The following ACOT11 variants were observed in gnomAD, a reference collection of about 807,000 sequenced individuals.
The protein encoded by ACOT11 is acyl-CoA thioesterase 11.
A neutral mutation model predicts 77.5 loss-of-function variants in ACOT11; 69 were observed. The ratio of observed to expected loss-of-function variants is 0.89; its 90% CI spans 0.73 to 1.09. ACOT11 has a LOEUF of 1.09. Ranked by LOEUF, ACOT11 falls within the 50% of genes least tolerant of loss-of-function variation. The probability of loss-of-function intolerance (pLI) is 0.00; values close to 1 mark genes in which losing one functional copy is unlikely to be tolerated. For missense variants in ACOT11, 766 were observed against 813.7 expected, an observed-to-expected ratio of 0.94 and a Z score of 0.71; for synonymous variants, 279 against 313.0, an observed-to-expected ratio of 0.89 and a Z score of 1.15.
intron 8 of ACOT11, chr1:54,599,660 C>T (rs1569748488): frequency 3.7e-6 from 1 of 266,712 alleles, no homozygotes; most frequent in Non-Finnish European, 7.0e-6. Context: ...ATCCCCCAGC[C>T]CCTGTCTCCC....
chr1:54,586,006 G>T (rs1157979248), intron 3 of ACOT11, 102 bp downstream of exon 3: 3 of 1,263,952 alleles, frequency 2.4e-6, no homozygotes, highest in Admixed American at 2.1e-5. Flanking sequence ...GCTGCCTAGA[G>T]CCTGACTCAA....
intron 1 of ACOT11, among the ~76,000 whole-genome samples, chr1:54,574,479 T>G (rs1654033735): frequency 6.6e-6 from 1 of 152,226 alleles, no homozygotes; most frequent in African/African-American, 2.4e-5. Context: ...CAGTAAGTGC[T>G]GGCATAAAAG....
At chr1:54,563,276 T>A (rs1219244449) in intron 1 of ACOT11, among the ~76,000 whole-genome samples, 1 of 152,376 alleles carries the variant, frequency 6.6e-6, no homozygotes, top group South Asian at 2.1e-4. Context: ...TGTCAGCCAC[T>A]GCACCCAGCT....
At chr1:54,576,009 C>CAAAAGG (rs910565577) in intron 1 of ACOT11, among the ~76,000 whole-genome samples, 2 of 152,186 alleles carry the variant, frequency 1.3e-5, no homozygotes, top group Non-Finnish European at 2.9e-5. Flanking sequence ...GTTTCATAAT[C>CAAAAGG]AAAAGGCAGC....
At chr1:54,572,852 G>T (rs972416139) in intron 1 of ACOT11, 8 of 867,058 alleles carry the variant, frequency 9.2e-6, no homozygotes, top group Middle Eastern at 5.8e-4. Context: ...CAGAGGCAGT[G>T]TGGCGGGCTG....
At chr1:54,623,169 C>T in intron 15 of ACOT11, 1 of 737,282 alleles carries the variant, frequency 1.4e-6, no homozygotes, top group South Asian at 1.7e-5. Flanking sequence ...AAGAGCAAAA[C>T]TCCGTCTAAA....
At chr1:54,605,274 C>G in intron 13 of ACOT11, 65 bp downstream of exon 13, 6 of 1,562,256 alleles carry the variant, frequency 3.8e-6, no homozygotes, top group East Asian at 2.3e-5. Flanking sequence ...GAGAGTGTCT[C>G]CTTCTGCGGG....
In ACOT11 at chr1:54,568,970, G is replaced by T. The variant is rs906898553; in HGVS notation, c.34-15685G>T. 1.1e-4 allele frequency among the ~76,000 whole-genome samples: 16 copies of T among 152,070 alleles called. No homozygotes were observed. In the East Asian group the frequency reaches 3.1e-3, roughly 30 times the overall value. On this transcript the variant is annotated intron_variant, in intron 1 of 15. Transcript: ENST00000343744. Reference sequence around the variant, plus strand: ...AAAATAAAAAATTAAAATTAGCTGGGCATGGTGGCACCCGTCTGTAGTCCC... The same window carrying T: ...AAAATAAAAAATTAAAATTAGCTGGTCATGGTGGCACCCGTCTGTAGTCCC...
At chr1:54,614,946 GT>G, downstream of ACOT11, 1 of 1,279,304 alleles carries the variant, frequency 7.8e-7, no homozygotes, top group Non-Finnish European at 1.1e-6. Flanking sequence ...GCGGGTGTGT[GT>G]GTGTGTGCAT....
chr1:54,630,310 C>A (rs2101033122), intron 15 of ACOT11, among the ~76,000 whole-genome samples: 1 of 152,286 alleles, frequency 6.6e-6, no homozygotes, highest in African/African-American at 2.4e-5. Context: ...CCCCCACAGT[C>A]TGGCCATAAA....
rs779352892 is a variant in ACOT11 at position 54,607,988 on chromosome 1, C to T, written c.1549C>T (p.Arg517Ter). ...ALRSVTLPTH[R>*]ETPEYRRGET... ...GAGGTCGGTCACGCTGCCCACACAC[C>T]GAGAGACGCCAGAGTACAGACGCGG... Residue 517 changes from arginine (R) to a stop codon, truncating the protein, a stop_gained, in exon 15 of 16, where the codon CGA (arginine) becomes TGA (stop). Coordinates refer to ENST00000343744, the MANE Select transcript of ACOT11 (RefSeq NM_147161.4). LOFTEE classifies it high-confidence loss of function. The surrounding 1 kb of genome is among the most constrained non-coding windows in gnomAD (Gnocchi z 4.5). 11 of 1,613,966 alleles carry T rather than the reference C, an allele frequency of 6.8e-6. No individual in the cohort carries two copies. Among genetic ancestry groups the T allele is most frequent in the Middle Eastern group, 1.7e-4 (1 of 6,060 alleles).
chr1:54,597,868 A>G, intron 7 of ACOT11: 1 of 167,088 alleles, frequency 6.0e-6, no homozygotes, highest in Admixed American at 5.6e-5. Context: ...CCATAAAGCC[A>G]TCTCTGACTG....
chr1:54,631,753 G>T (rs1044609090), intron 16 of ACOT11, among the ~76,000 whole-genome samples: 46 of 152,162 alleles, frequency 3.0e-4, no homozygotes, highest in African/African-American at 1.1e-3. Context: ...GGAACCATAG[G>T]TTGATTTTAT....
chr1:54,596,896 A>G (rs563130778), intron 6 of ACOT11, among the ~76,000 whole-genome samples: 1 of 152,320 alleles, frequency 6.6e-6, no homozygotes, highest in South Asian at 2.1e-4. Flanking sequence ...ACTTTGTGAC[A>G]ATAATCACAT....
In ACOT11 at chr1:54,594,575, C is replaced by T. The variant is rs201270006; in HGVS notation, c.491C>T (p.Thr164Met). ...CGACAGGTGAAGCTGAAGCAGATCA[C>T]GCCGCGGACAGAAGAGGAGAAGATG... ...EITKVKLKQITPRTEEEKMEH... is the reference protein window; with the variant it reads ...EITKVKLKQIMPRTEEEKMEH... Residue 164 changes from threonine (T) to methionine (M), a missense_variant, in exon 6 of 16, where the codon ACG becomes ATG. Physicochemically the swap from Thr to Met is moderately conservative, Grantham distance 81 (BLOSUM62 -1). Transcript: ENST00000343744. 117 of 1,613,772 alleles carry T rather than the reference C, an allele frequency of 7.3e-5. No homozygotes were observed. The highest frequency in any genetic ancestry group is 9.2e-5 in the Non-Finnish European group (109 of 1,179,840).
At chr1:54,570,681 C>CTT (rs35537173) in intron 1 of ACOT11, among the ~76,000 whole-genome samples, 7 of 146,716 alleles carry the variant, frequency 4.8e-5, no homozygotes, top group Non-Finnish European at 3.0e-5. Context: ...CGTGCCTGGC[C>CTT]TTTTTTTTTT....
At chr1:54,571,941 A>T (rs1386696448) in intron 1 of ACOT11, among the ~76,000 whole-genome samples, 1 of 151,870 alleles carries the variant, frequency 6.6e-6, no homozygotes, top group Non-Finnish European at 1.5e-5. Flanking sequence ...GGCCCGCAGG[A>T]CCCTGGAGCA....
In ACOT11 at chr1:54,550,660, G is replaced by GA. The variant is rs551018642; in HGVS notation, c.33+2328dup. 3.2e-3 allele frequency among the ~76,000 whole-genome samples: 428 copies of GA among 133,910 alleles called. 1 individual carries two copies. The highest frequency in any genetic ancestry group is 5.9e-3 in the South Asian group (24 of 4,086). The allele number at this position is 133,910 out of a possible 152,430, so 87.9% of individuals were successfully genotyped here. ...GAAACCCCATCTCTACCAAAAATAC[G>GA]AAAAAAAAAATAGCTGGGCATAGTG... is the stretch of plus-strand genomic sequence containing the variant. On this transcript the variant is annotated intron_variant, in intron 1 of 15. Coordinates refer to ENST00000343744, the MANE Select transcript of ACOT11 (RefSeq NM_147161.4).
chr1:54,559,315 C>T (rs1653385134), intron 1 of ACOT11, among the ~76,000 whole-genome samples: 1 of 152,208 alleles, frequency 6.6e-6, no homozygotes, highest in African/African-American at 2.4e-5. Flanking sequence ...CCCCACACAC[C>T]TCAGGGTCGA....
Sources: allele counts gnomAD v4.1 joint callset (sites outside exome capture counted in the v4.1 genomes callset), GRCh38; gene constraint gnomAD v4.1.1; non-coding constraint Gnocchi (gnomAD v3.1); transcripts MANE v1.5; gene names NCBI Gene and HGNC (gene_info 2026-07-23, HGNC 2026-07-21).